TGDS: variants seen among roughly 807,000 people sequenced by gnomAD.
TGDS encodes the protein UDP-D-glucose 4,6-dehydratase.
TGDS carries 47 observed loss-of-function variants against 52.3 expected under a neutral mutation model. That is an observed-to-expected ratio of 0.90 (90% CI 0.71 to 1.15). The LOEUF (loss-of-function observed/expected upper bound fraction) is 1.15, where lower values mean the gene tolerates loss of function less well. Ranked by LOEUF, TGDS falls within the 50% of genes most tolerant of loss-of-function variation. The pLI, the probability that TGDS is intolerant of heterozygous loss-of-function variation, is 0.00. For synonymous variants in TGDS, 115 were observed against 136.9 expected, an observed-to-expected ratio of 0.84 and a Z score of 1.12; for missense variants, 375 against 418.4, an observed-to-expected ratio of 0.90 and a Z score of 0.90.
chr13:94,592,575 C>T (rs909176357), intron 2 of TGDS, among the ~76,000 whole-genome samples: 1 of 152,082 alleles, frequency 6.6e-6, no homozygotes, highest in African/African-American at 2.4e-5. Context: ...GCCTCAGCCT[C>T]CCAAGTACCT....
At chr13:94,574,874 C>CAAAAAAAAAAAAAAAAAA (rs748047100) in intron 11 of TGDS, 22 bp from the exon 12 acceptor site, 4 of 980,636 alleles carry the variant, frequency 4.1e-6, no homozygotes, top group African/African-American at 2.5e-5. Flanking sequence ...AAACAAAAGA[C>CAAAAAAAAAAAAAAAAAA]AAAAAAAAAA....
chr13:94,588,882 A>G (rs2139537583), intron 4 of TGDS, among the ~76,000 whole-genome samples: 1 of 152,336 alleles, frequency 6.6e-6, no homozygotes, highest in East Asian at 1.9e-4. Context: ...GATATGACGG[A>G]GGGCAGAAAC....
chr13:94,593,091 T>C (rs917811342), intron 2 of TGDS, among the ~76,000 whole-genome samples: 1 of 151,844 alleles, frequency 6.6e-6, no homozygotes, highest in African/African-American at 2.4e-5. Flanking sequence ...GAGGTGGAGG[T>C]TGCAGTGAGC....
rs1264976815 is a variant in TGDS at position 94,590,864 on chromosome 13, T to G, written c.302A>C (p.Gln101Pro). The change falls in exon 4 of 12, where the codon CAA becomes CCA. Residue 101 changes from glutamine (Q) to proline (P), a missense_variant. Gln to Pro is a moderately conservative substitution (Grantham distance 76, BLOSUM62 -1). Transcript: ENST00000261296. ...AAAACAATGCTTACCTACATGTGTT[T>G]GTGCGGCAAAATGTAGTACTATATC... ...KIDIVLHFAA[Q>P]THVDLSFVRA... The G allele has an allele frequency of 2.6e-6, 4 of 1,568,386 alleles. No homozygotes were observed. Among genetic ancestry groups the G allele is most frequent in the Non-Finnish European group, 3.4e-6 (4 of 1,166,170 alleles).
chr13:94,592,455 A>C (rs1360300434), intron 2 of TGDS, 146 bp from the exon 3 acceptor site: 1 of 625,408 alleles, frequency 1.6e-6, no homozygotes, highest in African/African-American at 1.9e-5. Flanking sequence ...CCCTGTCTTT[A>C]CACTACTTTT....
In TGDS at chr13:94,576,467, G is replaced by A. The variant is rs575542223; in HGVS notation, c.885-56C>T. 3.4e-6 allele frequency: 4 copies of A among 1,159,930 alleles called. No individual in the cohort carries two copies. In the South Asian group the frequency reaches 5.6e-5, roughly 16 times the overall value. 71.9% of individuals were successfully genotyped at this position (1,159,930 alleles called of 1,614,324 possible). Reference sequence around the variant, plus strand: ...TTGTAGATATATATTTACAAATTTAGATATTAGGAGATATGTGTTTATGCA... The same window carrying A: ...TTGTAGATATATATTTACAAATTTAAATATTAGGAGATATGTGTTTATGCA... On this transcript the variant is annotated intron_variant, in intron 10 of 11. Coordinates refer to ENST00000261296, the MANE Select transcript of TGDS (RefSeq NM_014305.4).
chr13:94,578,567 G>T (rs1306326545), intron 8 of TGDS, among the ~76,000 whole-genome samples, 163 bp downstream of exon 8: 1 of 152,078 alleles, frequency 6.6e-6, no homozygotes, highest in African/African-American at 2.4e-5. Context: ...ATAAAAATAA[G>T]ATACAGATTA....
chr13:94,575,357 G>A (rs1888565333), intron 11 of TGDS, among the ~76,000 whole-genome samples: 1 of 144,268 alleles, frequency 6.9e-6, no homozygotes, highest in South Asian at 2.2e-4. Context: ...TGGTGCAATC[G>A]TAGTTCACTA....
intron 4 of TGDS, among the ~76,000 whole-genome samples, chr13:94,583,946 T>C (rs1225693531): frequency 6.6e-6 from 1 of 152,212 alleles, no homozygotes; most frequent in African/African-American, 2.4e-5. Context: ...AAGATTACGA[T>C]GATCAATGTC....
chr13:94,583,806 T>C (rs1189984552), intron 4 of TGDS, among the ~76,000 whole-genome samples: 2 of 152,114 alleles, frequency 1.3e-5, no homozygotes, highest in Non-Finnish European at 2.9e-5. Context: ...GGAAAAACCA[T>C]GTGAAATTAC....
intron 11 of TGDS, among the ~76,000 whole-genome samples, chr13:94,575,603 A>C (rs2139511348): frequency 6.6e-6 from 1 of 152,016 alleles, no homozygotes; most frequent in South Asian, 2.1e-4. Context: ...CCTTCTATTA[A>C]TATGTGAAAT....
intron 8 of TGDS, 110 bp downstream of exon 8, chr13:94,578,620 T>A: frequency 1.3e-6 from 1 of 745,624 alleles, no homozygotes. Flanking sequence ...TTAAATTTAG[T>A]GGGGCATTCA....
chr13:94,585,851 A>C (rs2139530157), intron 4 of TGDS, among the ~76,000 whole-genome samples: 1 of 152,102 alleles, frequency 6.6e-6, no homozygotes, highest in South Asian at 2.1e-4. Flanking sequence ...AATAGCTAAA[A>C]ATGGAGTTGG....
rs1566960948 is a variant in TGDS, at chr13:94,586,748, A to ATTCTT, written c.314-3513_314-3512insAAGAA. Among the ~76,000 whole-genome samples the ATTCTT allele has an allele frequency of 5.7e-5, 5 of 88,444 alleles. 1 individual carries two copies. The highest frequency in any genetic ancestry group is 1.7e-4 in the Admixed American group (1 of 5,904). 58.0% of individuals were successfully genotyped at this position (88,444 alleles called of 152,430 possible). ...ACCCACGGATGAGAGAAGAAATCAAATTATTTTTTTTTTTTTTTTTTTTTT... is the reference window on the plus strand; with the variant it reads ...ACCCACGGATGAGAGAAGAAATCAAATTCTTTTATTTTTTTTTTTTTTTTTTTTTT... On this transcript the variant is annotated intron_variant, in intron 4 of 11. Transcript: ENST00000261296.
chr13:94,590,099 T>C (rs921300741), intron 4 of TGDS, among the ~76,000 whole-genome samples: 2 of 150,378 alleles, frequency 1.3e-5, no homozygotes, highest in Non-Finnish European at 3.0e-5. Flanking sequence ...AAACAAACTG[T>C]ATCTATATCC....
At chr13:94,580,653 A>G (rs1238638878) in intron 6 of TGDS, among the ~76,000 whole-genome samples, 1 of 152,216 alleles carries the variant, frequency 6.6e-6, no homozygotes, top group Non-Finnish European at 1.5e-5. Flanking sequence ...CACTCTGACT[A>G]TAGCTGTAAC....
intron 4 of TGDS, among the ~76,000 whole-genome samples, chr13:94,590,430 T>C (rs372904681): frequency 2.0e-5 from 3 of 151,996 alleles, no homozygotes; most frequent in African/African-American, 7.2e-5. Context: ...TCCATTATCA[T>C]TATTTAACTA....
At chr13:94,595,044 A>G (rs1017527747) in intron 1 of TGDS, among the ~76,000 whole-genome samples, 1 of 152,174 alleles carries the variant, frequency 6.6e-6, no homozygotes, top group Non-Finnish European at 1.5e-5. Context: ...AATCCGCAAT[A>G]TAATTTCAGG....
chr13:94,581,082 A>G lies in TGDS; in HGVS notation c.555+9T>C, dbSNP rs200643282. 1.5e-5 allele frequency: 21 copies of G among 1,404,824 alleles called. No homozygotes were observed. The African/African-American group carries it at 1.7e-4, about 12-fold the overall frequency. 87.0% of individuals were successfully genotyped at this position (1,404,824 alleles called of 1,614,324 possible). On this transcript the variant is annotated intron_variant, in intron 6 of 11. Coordinates refer to ENST00000261296, the MANE Select transcript of TGDS (RefSeq NM_014305.4). ...AAATGTTTCAAGAGTTTCTGCAATC[A>G]GTTCTTACCTTATATTGTTCCCAGT...
Sources: gnomAD v4.1 joint callset for allele counts (sites outside exome capture counted in the v4.1 genomes callset) on GRCh38, gnomAD v4.1.1 for gene constraint, MANE v1.5 for transcripts, NCBI Gene and HGNC (gene_info 2026-07-23, HGNC 2026-07-21) for gene names.